Variants in DAZL observed in about 807,000 individuals in gnomAD.
DAZL encodes the protein deleted in azoospermia like.
In DAZL, 4 loss-of-function variants were observed where a neutral mutation model predicts 45.0. The ratio of observed to expected loss-of-function variants is 0.09; its 90% CI spans 0.04 to 0.20. The LOEUF (loss-of-function observed/expected upper bound fraction) is 0.20. Ranked by LOEUF, DAZL falls within the 10% of genes least tolerant of loss-of-function variation. DAZL has a pLI of 1.00. For missense variants in DAZL, 326 were observed against 351.3 expected (o/e 0.93, Z 0.58); for synonymous variants, 122 against 112.4 (o/e 1.09, Z -0.54).
intron 6 of DAZL, among the ~76,000 whole-genome samples, chr3:16,596,344 T>A (rs762358046): frequency 7.9e-5 from 12 of 151,942 alleles, no homozygotes; most frequent in Admixed American, 3.3e-4. Flanking sequence ...CCAGAATATA[T>A]CCAGAAGTCA....
At chr3:16,594,406 A>T (rs1349450362) in intron 8 of DAZL, 127 bp downstream of exon 8, 30 of 706,986 alleles carry the variant, frequency 4.2e-5, no homozygotes, top group Non-Finnish European at 5.4e-5. Flanking sequence ...AAAATGTAAC[A>T]CATTAATACA....
At chr3:16,604,119 TTTTTA>T (rs2125049854) in intron 1 of DAZL, among the ~76,000 whole-genome samples, 2 of 152,322 alleles carry the variant, frequency 1.3e-5, no homozygotes, top group East Asian at 1.9e-4. Context: ...TAGGTGTTTA[TTTTTA>T]TTTTAATGTT....
At chr3:16,595,915 C>T (rs532820889) in intron 6 of DAZL, among the ~76,000 whole-genome samples, 45 of 151,892 alleles carry the variant, frequency 3.0e-4, no homozygotes, top group African/African-American at 1.0e-3. Context: ...CAATAAATAG[C>T]TACTGATTGA....
intron 1 of DAZL, among the ~76,000 whole-genome samples, chr3:16,600,211 CAAAA>C (rs1398866049): frequency 6.6e-6 from 1 of 151,760 alleles, no homozygotes; most frequent in African/African-American, 2.4e-5. Flanking sequence ...GAAAACAAGA[CAAAA>C]GAAAGCAACT....
chr3:16,602,157 T>C (rs761226050), intron 1 of DAZL, among the ~76,000 whole-genome samples: 1 of 151,836 alleles, frequency 6.6e-6, no homozygotes, highest in Non-Finnish European at 1.5e-5. Context: ...CAATAAACAA[T>C]CCTGGCAAAA....
Position 16,588,572 on chromosome 3 carries a change from A to G in DAZL, c.*88T>C. 1 of 1,084,766 alleles carries G rather than the reference A, an allele frequency of 9.2e-7. No homozygotes were observed. The highest frequency in any genetic ancestry group is 1.3e-5 in the South Asian group (1 of 79,856). 67.2% of individuals were successfully genotyped at this position (1,084,766 alleles called of 1,614,324 possible). A position where few individuals can be genotyped will look rare whatever the true frequency, so the allele number is the denominator to read the frequency against. On this transcript the variant is annotated 3_prime_UTR_variant, in exon 11 of 11. Coordinates refer to ENST00000399444, the MANE Select transcript of DAZL (RefSeq NM_001351.4). ...ACACAAAGTTTGAGTGTGATTTACC[A>G]AAATTCAGAATTTCTATAATAGTGG...
chr3:16,603,638 G>A (rs1277986344), intron 1 of DAZL, among the ~76,000 whole-genome samples: 2 of 152,044 alleles, frequency 1.3e-5, no homozygotes, highest in African/African-American at 4.8e-5. Context: ...GAGCCACCGC[G>A]CCCAGCCCAT....
At chr3:16,593,392 C>T (rs1338863407) in intron 9 of DAZL, among the ~76,000 whole-genome samples, 3 of 152,092 alleles carry the variant, frequency 2.0e-5, no homozygotes, top group Admixed American at 6.6e-5. Context: ...AGGGTGGTCT[C>T]GAACTCCTGA....
intron 6 of DAZL, among the ~76,000 whole-genome samples, chr3:16,595,731 A>ATT (rs3061888): frequency 0.14 from 21,251 of 151,956 alleles, 1,915 homozygotes; most frequent in East Asian, 0.46. Flanking sequence ...AAATTAATAC[A>ATT]TTTGCTATTT....
chr3:16,591,433 ATTTT>A (rs200206679), intron 10 of DAZL, among the ~76,000 whole-genome samples: 11 of 143,814 alleles, frequency 7.6e-5, no homozygotes, highest in Non-Finnish European at 1.1e-4. Context: ...ATATGCATGT[ATTTT>A]TTTTTTTTTT....
At chr3:16,592,570 G>C (rs1260380175) in intron 9 of DAZL, among the ~76,000 whole-genome samples, 25 of 76,154 alleles carry the variant, frequency 3.3e-4, no homozygotes, top group African/African-American at 1.1e-3. Context: ...CTCTGTCTTG[G>C]GGAAAAAAAA....
chr3:16,598,788 T>C (rs1324204468), intron 1 of DAZL, among the ~76,000 whole-genome samples, 190 bp from the exon 2 acceptor site: 1 of 85,060 alleles, frequency 1.2e-5, no homozygotes, highest in African/African-American at 8.4e-5. Flanking sequence ...GATATAGTAC[T>C]TTTTTTTTTT....
At position 16,594,693 on chromosome 3, in the gene DAZL, T is replaced by C. The variant is rs77134697; in HGVS notation, c.571-110A>G. On this transcript the variant is annotated intron_variant, in intron 7 of 10. Transcript: ENST00000399444. ...ACTTATCATGCTGGCTCCTTTGTTG[T>C]TATAATAAAAGAAACAGAATGAAAA... 1.5e-3 allele frequency: 975 copies of C among 654,992 alleles called. 10 individuals are homozygous for C. The African/African-American group carries it at 0.017, about 11-fold the overall frequency. The allele number at this position is 654,992 out of a possible 1,614,324, so 40.6% of individuals were successfully genotyped here.
intron 1 of DAZL, chr3:16,604,882 C>T (rs376864455): frequency 4.1e-6 from 3 of 724,522 alleles, no homozygotes; most frequent in Non-Finnish European, 6.6e-6. Flanking sequence ...CCCCAAACCT[C>T]TGCCAGTAGA....
At chr3:16,604,777 A>C in intron 1 of DAZL, 2 of 1,333,296 alleles carry the variant, frequency 1.5e-6, no homozygotes, top group Non-Finnish European at 1.9e-6. Context: ...GGCGGGGCGG[A>C]GGCGCGTGGG....
In DAZL at chr3:16,597,157, C is replaced by A. The variant is rs1164347739; in HGVS notation, c.295-106G>T. ...TAAAATTCCTATTATCATAGAAGAT[C>A]AGTGATAACTACACACCAAATTAAA... On this transcript the variant is annotated intron_variant, in intron 4 of 10. Transcript: ENST00000399444. 2.3e-6 allele frequency: 3 copies of A among 1,295,324 alleles called. No homozygotes were observed. The African/African-American group carries it at 4.5e-5, about 19-fold the overall frequency. The allele number at this position is 1,295,324 out of a possible 1,614,324, so 80.2% of individuals were successfully genotyped here.
chr3:16,597,665 T>A, intron 3 of DAZL, 124 bp from the exon 4 acceptor site: 2 of 699,132 alleles, frequency 2.9e-6, no homozygotes, highest in Non-Finnish European at 5.3e-6. Context: ...ATATTTAAGA[T>A]GTACATGATA....
At chr3:16,603,251 G>T (rs1323403630) in intron 1 of DAZL, among the ~76,000 whole-genome samples, 1 of 152,032 alleles carries the variant, frequency 6.6e-6, no homozygotes, top group Non-Finnish European at 1.5e-5. Flanking sequence ...TTACCAAAGG[G>T]GTAAAGCGCT....
intron 4 of DAZL, 55 bp from the exon 5 acceptor site, chr3:16,597,106 G>T (rs1575418018): frequency 1.3e-6 from 2 of 1,536,020 alleles, no homozygotes; most frequent in East Asian, 2.3e-5. Context: ...TTACTTCCAA[G>T]ACTTGGATGA....
Sources: gnomAD v4.1 joint callset for allele counts (sites outside exome capture counted in the v4.1 genomes callset) on GRCh38, gnomAD v4.1.1 for gene constraint, MANE v1.5 for transcripts, NCBI Gene and HGNC (gene_info 2026-07-23, HGNC 2026-07-21) for gene names.